The following THUMPD2 variants were observed in gnomAD, a reference collection of about 807,000 sequenced individuals.
THUMPD2 encodes U6 snRNA (guanine-N(2))-methyltransferase THUMPD2.
A neutral mutation model predicts 49.4 loss-of-function variants in THUMPD2; 56 were observed. The ratio of observed to expected loss-of-function variants is 1.13; its 90% CI spans 0.91 to 1.41. THUMPD2 has a LOEUF of 1.41. THUMPD2 is among the 40% of genes most tolerant of loss of function. THUMPD2 has a pLI of 0.00. For missense variants in THUMPD2, 709 were observed against 594.5 expected (o/e 1.19, Z -2.00); for synonymous variants, 237 against 205.2 (o/e 1.15, Z -1.32).
chr2:39,756,420 C>A (rs1233580608), intron 6 of THUMPD2, among the ~76,000 whole-genome samples: 2 of 149,584 alleles, frequency 1.3e-5, no homozygotes, highest in Non-Finnish European at 3.0e-5. Context: ...TTGCAATGAG[C>A]AGAGATCGCG....
intron 6 of THUMPD2, among the ~76,000 whole-genome samples, chr2:39,756,270 G>A (rs1676101596): frequency 6.6e-6 from 1 of 152,090 alleles, no homozygotes; most frequent in Non-Finnish European, 1.5e-5. Flanking sequence ...ATGACAATAA[G>A]GCAGAGTATG....
At chr2:39,753,668 C>CTG (rs1445380060) in intron 8 of THUMPD2, among the ~76,000 whole-genome samples, 1 of 152,210 alleles carries the variant, frequency 6.6e-6, no homozygotes, top group African/African-American at 2.4e-5. Context: ...AATCCTCTAG[C>CTG]TGCTCAAGCC....
chr2:39,761,182 G>A (rs531647025), intron 6 of THUMPD2, 149 bp downstream of exon 6: 2 of 655,308 alleles, frequency 3.1e-6, no homozygotes, highest in Admixed American at 5.7e-5. Flanking sequence ...GCAGCAGTTT[G>A]TAAGTACAAT....
In THUMPD2 at chr2:39,769,150, G is replaced by C. The variant is rs1451380850; in HGVS notation, c.672+560C>G. On this transcript the variant is annotated intron_variant, in intron 3 of 9. Coordinates refer to ENST00000505747, the MANE Select transcript of THUMPD2 (RefSeq NM_025264.5). ...GCTGAACTGAAGAGAAACCCCAAAA[G>C]CTGAGGACTATGGTATCAGGATTTC... 4.9e-6 allele frequency: 6 copies of C among 1,224,944 alleles called. No individual in the cohort carries two copies. The East Asian group carries it at 2.9e-4, about 59-fold the overall frequency. 75.9% of individuals were successfully genotyped at this position (1,224,944 alleles called of 1,614,324 possible).
At chr2:39,754,771 AG>A (rs1675875098) in intron 8 of THUMPD2, among the ~76,000 whole-genome samples, 1 of 152,186 alleles carries the variant, frequency 6.6e-6, no homozygotes, top group South Asian at 2.1e-4. Context: ...TCTACCTCAC[AG>A]GGTGGCCAAC....
Position 39,739,902 on chromosome 2 carries a change from C to T in THUMPD2, c.1188-2843G>A, listed in dbSNP as rs149339618. ...GGGCAACAGTTTAGCAATCATGTAT[C>T]AAAAATATGAAATGTACATAACCTT... On this transcript the variant is annotated intron_variant, in intron 9 of 9. Transcript: ENST00000505747. Among the ~76,000 whole-genome samples, 909 of 152,208 alleles carry T rather than the reference C, an allele frequency of 6.0e-3. 4 individuals are homozygous for T. The highest frequency in any genetic ancestry group is 8.7e-3 in the Non-Finnish European group (589 of 68,004).
rs1673101687 is a variant in THUMPD2, at chr2:39,736,537, T to G, written c.*198A>C. The G allele has an allele frequency of 4.5e-6, 2 of 442,632 alleles. No individual in the cohort carries two copies. 27.4% of individuals were successfully genotyped at this position (442,632 alleles called of 1,614,324 possible). ...TCTAAAAAATATTCGATAACTTTTT[T>G]CTCAAAAACATTAAGTACTTTAGAA... On this transcript the variant is annotated 3_prime_UTR_variant, in exon 10 of 10. Transcript: ENST00000505747.
chr2:39,769,033 A>T (rs1417504264), intron 3 of THUMPD2: 2 of 1,304,696 alleles, frequency 1.5e-6, no homozygotes, highest in South Asian at 2.5e-5. Flanking sequence ...TCTTCTCTAC[A>T]TTGCTGAGAC....
At chr2:39,759,082 AAG>A (rs1430773948) in intron 6 of THUMPD2, among the ~76,000 whole-genome samples, 3 of 152,134 alleles carry the variant, frequency 2.0e-5, no homozygotes, top group Non-Finnish European at 2.9e-5. Flanking sequence ...CCAAAATATA[AAG>A]AGAGGGAAAT....
Position 39,779,250 on chromosome 2 carries a change from G to T in THUMPD2, c.-11C>A. ...ACGCGCCTCCGACATGGCGGCTCAG[G>T]CGCGCCCTCGCGCCTTCGGGTCACG... is the stretch of plus-strand genomic sequence containing the variant. On this transcript the variant is annotated 5_prime_UTR_variant, in exon 1 of 10. Coordinates refer to ENST00000505747, the MANE Select transcript of THUMPD2 (RefSeq NM_025264.5). The T allele has an allele frequency of 6.8e-7, 1 of 1,477,568 alleles. No individual in the cohort carries two copies. The highest frequency in any genetic ancestry group is 8.9e-7 in the Non-Finnish European group (1 of 1,122,944). The allele number at this position is 1,477,568 out of a possible 1,614,324, so 91.5% of individuals were successfully genotyped here.
intron 1 of THUMPD2, among the ~76,000 whole-genome samples, chr2:39,772,182 G>C (rs1321668162): frequency 6.6e-6 from 1 of 152,150 alleles, no homozygotes; most frequent in Non-Finnish European, 1.5e-5. Flanking sequence ...AAAGAACAAG[G>C]GGCAGATGCG....
At chr2:39,743,730 C>T (rs938242642) in intron 9 of THUMPD2, among the ~76,000 whole-genome samples, 1 of 152,172 alleles carries the variant, frequency 6.6e-6, no homozygotes, top group Admixed American at 6.6e-5. Flanking sequence ...CTAGAAGCAG[C>T]CTGGGGCCCT....
intron 8 of THUMPD2, among the ~76,000 whole-genome samples, chr2:39,749,674 T>C (rs947839263): frequency 6.6e-6 from 1 of 152,168 alleles, no homozygotes; most frequent in Non-Finnish European, 1.5e-5. Flanking sequence ...GTGTGTACCG[T>C]GGTGGTTTGC....
intron 5 of THUMPD2, among the ~76,000 whole-genome samples, chr2:39,764,250 A>G (rs546967661): frequency 2.0e-5 from 3 of 152,350 alleles, no homozygotes; most frequent in Non-Finnish European, 4.4e-5. Flanking sequence ...TGTATCCTAG[A>G]AACAGCAGGA....
chr2:39,738,260 T>C (rs954085715), intron 9 of THUMPD2, among the ~76,000 whole-genome samples: 2 of 152,186 alleles, frequency 1.3e-5, no homozygotes, highest in African/African-American at 4.8e-5. Context: ...AGAAACAGTT[T>C]CAACAGTGTC....
At chr2:39,763,267 C>T (rs748911523) in intron 5 of THUMPD2, among the ~76,000 whole-genome samples, 1 of 151,662 alleles carries the variant, frequency 6.6e-6, no homozygotes, top group Admixed American at 6.6e-5. Flanking sequence ...AGATCTTTAT[C>T]TTCAAATATG....
rs142767915 is a variant in THUMPD2 at position 39,761,599 on chromosome 2, G to T, written c.804-181C>A. On this transcript the variant is annotated intron_variant, in intron 5 of 9. Transcript: ENST00000505747. Reference sequence around the variant, plus strand: ...AAATTGCTTCTCTAATGGGCACCTTGTCTACCCAGCCAGTGTTGAATTTCA... The same window carrying T: ...AAATTGCTTCTCTAATGGGCACCTTTTCTACCCAGCCAGTGTTGAATTTCA... 4.9e-3 allele frequency among the ~76,000 whole-genome samples: 749 copies of T among 152,258 alleles called. 2 individuals carry two copies. Among genetic ancestry groups the T allele is most frequent in the African/African-American group, 0.014 (583 of 41,562 alleles).
At chr2:39,769,675 T>C (rs1678047391) in intron 3 of THUMPD2, 35 bp downstream of exon 3, 2 of 1,471,354 alleles carry the variant, frequency 1.4e-6, no homozygotes, top group Admixed American at 2.6e-5. Context: ...CATTCCAGCC[T>C]GGGCGACAGA....
chr2:39,771,946 T>A lies in THUMPD2; in HGVS notation c.127-306A>T, dbSNP rs1678380066. Among the ~76,000 whole-genome samples, 1 of 152,174 alleles carries A rather than the reference T, an allele frequency of 6.6e-6. No homozygotes were observed. The highest frequency in any genetic ancestry group is 1.9e-4 in the East Asian group (1 of 5,202). On this transcript the variant is annotated intron_variant, in intron 1 of 9. Coordinates refer to ENST00000505747, the MANE Select transcript of THUMPD2 (RefSeq NM_025264.5). ...CCTACCTGTAGGCTACCAGGAAGCATAAAACATATATCCTGAATAATAACA... is the reference window on the plus strand; with the variant it reads ...CCTACCTGTAGGCTACCAGGAAGCAAAAAACATATATCCTGAATAATAACA...
Sources: allele counts gnomAD v4.1 joint callset (sites outside exome capture counted in the v4.1 genomes callset), GRCh38; gene constraint gnomAD v4.1.1; transcripts MANE v1.5; gene names NCBI Gene and HGNC (gene_info 2026-07-23, HGNC 2026-07-21).